The following RGS10 variants were observed in gnomAD, a reference collection of about 807,000 sequenced individuals.
RGS10 encodes regulator of G protein signaling 10, also known as regulator of G-protein signalling 10.
RGS10 carries 11 observed loss-of-function variants against 23.5 expected under a neutral mutation model. The observed-to-expected ratio is 0.47, with a 90% confidence interval of 0.29 to 0.77. The LOEUF (loss-of-function observed/expected upper bound fraction) is 0.77, where lower values mean the gene tolerates loss of function less well. Ranked by LOEUF, RGS10 falls within the 30% of genes least tolerant of loss-of-function variation. The pLI, the probability that RGS10 is intolerant of heterozygous loss-of-function variation, is 0.08. For missense variants in RGS10, 180 were observed against 226.3 expected, an observed-to-expected ratio of 0.80 and a Z score of 1.31; for synonymous variants, 77 against 83.2, an observed-to-expected ratio of 0.92 and a Z score of 0.41.
chr10:119,506,759 G>C (rs1030877537), intron 4 of RGS10, among the ~76,000 whole-genome samples: 1 of 152,084 alleles, frequency 6.6e-6, no homozygotes, highest in African/African-American at 2.4e-5. Flanking sequence ...GGAGTGCAGC[G>C]GCGCGATCTC....
intron 1 of RGS10, among the ~76,000 whole-genome samples, chr10:119,530,793 C>A (rs758358002): frequency 6.6e-6 from 1 of 152,224 alleles, no homozygotes; most frequent in Non-Finnish European, 1.5e-5. Flanking sequence ...CCACTGTACT[C>A]CAGCCTGGAT....
At chr10:119,532,638 G>A (rs543441059) in intron 1 of RGS10, among the ~76,000 whole-genome samples, 33 of 152,240 alleles carry the variant, frequency 2.2e-4, no homozygotes, top group African/African-American at 7.9e-4. Context: ...TCAGGAGTTC[G>A]AGATCAGCCT....
At chr10:119,535,517 C>T (rs1448002734) in intron 1 of RGS10, among the ~76,000 whole-genome samples, 2 of 152,174 alleles carry the variant, frequency 1.3e-5, no homozygotes, top group Non-Finnish European at 2.9e-5. Flanking sequence ...CTTCTCCAGA[C>T]ATTAATTCCT....
At chr10:119,537,916 C>T (rs1386246377) in intron 1 of RGS10, among the ~76,000 whole-genome samples, 1 of 152,178 alleles carries the variant, frequency 6.6e-6, no homozygotes, top group Non-Finnish European at 1.5e-5. Flanking sequence ...TAATAGTCTT[C>T]CTCACACCTC....
In RGS10 at chr10:119,527,622, C is replaced by A; in HGVS notation, c.50-198G>T. 1 of 564,216 alleles carries A rather than the reference C, an allele frequency of 1.8e-6. No homozygotes were observed. The highest frequency in any genetic ancestry group is 3.2e-6 in the Non-Finnish European group (1 of 316,608). The allele number at this position is 564,216 out of a possible 1,614,324, so 35.0% of individuals were successfully genotyped here. On this transcript the variant is annotated intron_variant, in intron 1 of 4. Coordinates refer to ENST00000369103, the MANE Select transcript of RGS10 (RefSeq NM_001005339.2). The surrounding 1 kb of genome is among the most constrained non-coding windows in gnomAD (Gnocchi z 4.2). ...GTAAGGCAGGCACTACTATTTCCTCCATTTTACAGATGGGGGTAAACTGAG... is the reference window on the plus strand; with the variant it reads ...GTAAGGCAGGCACTACTATTTCCTCAATTTTACAGATGGGGGTAAACTGAG...
chr10:119,535,903 A>G (rs1421789386), intron 1 of RGS10, among the ~76,000 whole-genome samples: 1 of 152,192 alleles, frequency 6.6e-6, no homozygotes, highest in African/African-American at 2.4e-5. Flanking sequence ...GAAAGTACAC[A>G]CCCCACAAAA....
chr10:119,505,772 C>T (rs952249165), intron 4 of RGS10, among the ~76,000 whole-genome samples: 11 of 152,184 alleles, frequency 7.2e-5, no homozygotes, highest in African/African-American at 2.2e-4. Context: ...GTCACTGTCT[C>T]CATTCATTGC....
chr10:119,527,451 T>C lies in RGS10; in HGVS notation c.50-27A>G. The C allele has an allele frequency of 1.3e-6, 2 of 1,548,444 alleles. No individual in the cohort carries two copies. Among genetic ancestry groups the C allele is most frequent in the Non-Finnish European group, 1.8e-6 (2 of 1,120,242 alleles). On this transcript the variant is annotated intron_variant, in intron 1 of 4. Coordinates refer to ENST00000369103, the MANE Select transcript of RGS10 (RefSeq NM_001005339.2). This position sits in a 1 kb window ranked among gnomAD's most constrained non-coding sequence, Gnocchi z 4.2. ...TGCAAAGCAAAGTTCAGACTGCATA[T>C]GTGGCCAACAGACACTGTCATTTTA...
chr10:119,514,393 C>T (rs1053538881), intron 4 of RGS10, among the ~76,000 whole-genome samples: 10 of 151,432 alleles, frequency 6.6e-5, no homozygotes, highest in African/African-American at 1.2e-4. Flanking sequence ...TGCAGTGGCT[C>T]ACGCCTGTAA....
chr10:119,540,052 A>G (rs1194762400), intron 1 of RGS10, among the ~76,000 whole-genome samples: 1 of 151,844 alleles, frequency 6.6e-6, no homozygotes, highest in African/African-American at 2.4e-5. Flanking sequence ...CCCCTTTCTC[A>G]CTAGGCTTCT....
At chr10:119,542,394 C>G (rs1187373574) in intron 1 of RGS10, among the ~76,000 whole-genome samples, 196 bp downstream of exon 1, 1 of 152,208 alleles carries the variant, frequency 6.6e-6, no homozygotes, top group South Asian at 2.1e-4. Flanking sequence ...CCGGGGCTCC[C>G]GGAGGAGCTC....
intron 4 of RGS10, among the ~76,000 whole-genome samples, chr10:119,502,668 AC>A (rs1843965771): frequency 6.6e-6 from 1 of 151,132 alleles, no homozygotes; most frequent in Admixed American, 6.6e-5. Context: ...GCAGGACTCG[AC>A]CCCGAGATCC....
intron 4 of RGS10, among the ~76,000 whole-genome samples, chr10:119,512,328 C>A (rs574931130): frequency 6.6e-6 from 1 of 152,210 alleles, no homozygotes; most frequent in South Asian, 2.1e-4. Flanking sequence ...ACAGAGCTCT[C>A]GAGGGAGCCT....
chr10:119,515,178 A>G (rs1844127219), intron 4 of RGS10, among the ~76,000 whole-genome samples: 1 of 152,074 alleles, frequency 6.6e-6, no homozygotes, highest in Non-Finnish European at 1.5e-5. Context: ...GTCTATTCTT[A>G]CCTTCAGCAA....
rs28449191 is a variant in RGS10, at chr10:119,519,874, C to A, written c.256-4222G>T. 7.2e-5 allele frequency among the ~76,000 whole-genome samples: 11 copies of A among 152,132 alleles called. No homozygotes were observed. In the South Asian group the frequency reaches 1.0e-3, roughly 14 times the overall value. On this transcript the variant is annotated intron_variant, in intron 3 of 4. Transcript: ENST00000369103. Reference sequence around the variant, plus strand: ...GGTGACAACTCTAACTCCATGTCCCCCCCAGATTTCAGACCAACCCTCCCC... The same window carrying A: ...GGTGACAACTCTAACTCCATGTCCCACCCAGATTTCAGACCAACCCTCCCC...
intron 1 of RGS10, among the ~76,000 whole-genome samples, chr10:119,534,017 G>A (rs1213104094): frequency 6.6e-6 from 1 of 152,036 alleles, no homozygotes; most frequent in Non-Finnish European, 1.5e-5. Context: ...CACTTTGGGA[G>A]GCCGAGGTGG....
chr10:119,536,195 A>T (rs563106491), intron 1 of RGS10, among the ~76,000 whole-genome samples: 1 of 152,214 alleles, frequency 6.6e-6, no homozygotes, highest in Admixed American at 6.5e-5. Flanking sequence ...AAGTGAAAAA[A>T]GTTTTTCAAT....
intron 3 of RGS10, among the ~76,000 whole-genome samples, chr10:119,522,985 C>A (rs1261360824): frequency 6.7e-6 from 1 of 150,044 alleles, no homozygotes; most frequent in African/African-American, 2.5e-5. Context: ...CAACTACAGG[C>A]GCACTCCATC....
intron 4 of RGS10, among the ~76,000 whole-genome samples, chr10:119,513,639 C>T (rs970963298): frequency 2.0e-5 from 3 of 152,252 alleles, no homozygotes; most frequent in South Asian, 2.1e-4. Context: ...GTTGGGCAGG[C>T]GGGCTGGATC....
Sources: gnomAD v4.1 joint callset for allele counts (sites outside exome capture counted in the v4.1 genomes callset) on GRCh38, gnomAD v4.1.1 for gene constraint, Gnocchi (gnomAD v3.1) non-coding constraint, MANE v1.5 for transcripts, NCBI Gene and HGNC (gene_info 2026-07-23, HGNC 2026-07-21) for gene names.